NIBAN1: variants seen among roughly 807,000 people sequenced by gnomAD.
The protein encoded by NIBAN1 is niban apoptosis regulator 1.
Under a neutral mutation model 75.1 loss-of-function variants are expected in NIBAN1, and 81 were observed. The ratio of observed to expected loss-of-function variants is 1.08; its 90% confidence interval spans 0.90 to 1.30. NIBAN1 has a LOEUF of 1.30. Among genes scored for constraint, NIBAN1 ranks in the 50% most tolerant of loss-of-function variants. The pLI, the probability that NIBAN1 is intolerant of heterozygous loss-of-function variation, is 0.00. For missense variants in NIBAN1, 1,133 were observed against 1,128.1 expected (o/e 1.00, Z -0.06); for synonymous variants, 436 against 424.8 (o/e 1.03, Z -0.32).
chr1:184,841,982 C>T (rs1041798999), intron 5 of NIBAN1, among the ~76,000 whole-genome samples: 2 of 152,118 alleles, frequency 1.3e-5, no homozygotes, highest in Non-Finnish European at 2.9e-5. Context: ...CATATTCACC[C>T]CTGCATCCCT....
rs1227956581 is a variant in NIBAN1, at chr1:184,953,458, T to C, written c.55+20844A>G. Among the ~76,000 whole-genome samples, 4 of 152,276 alleles carry C rather than the reference T, an allele frequency of 2.6e-5. No homozygotes were observed. In the East Asian group the frequency reaches 7.7e-4, roughly 29 times the overall value. The stretch of plus-strand genomic sequence containing the variant: ...TAAATATCATTTTGAAAGCGTCTTT[T>C]ACATATCTTAGTGAAACTTATGCTC... On this transcript the variant is annotated intron_variant, in intron 1 of 13. Transcript: ENST00000367511.
At chr1:184,954,823 A>G (rs1327834223) in intron 1 of NIBAN1, among the ~76,000 whole-genome samples, 1 of 152,242 alleles carries the variant, frequency 6.6e-6, no homozygotes, top group African/African-American at 2.4e-5. Flanking sequence ...CTAGCTAGGC[A>G]GATGAGAACA....
intron 9 of NIBAN1, among the ~76,000 whole-genome samples, chr1:184,810,350 T>C (rs763464775): frequency 2.4e-4 from 36 of 152,158 alleles, no homozygotes; most frequent in Non-Finnish European, 4.6e-4. Flanking sequence ...TTTTCTGATT[T>C]AGTAGATCAT....
At chr1:184,875,867 CTG>C (rs1158463388) in intron 5 of NIBAN1, among the ~76,000 whole-genome samples, 1 of 152,118 alleles carries the variant, frequency 6.6e-6, no homozygotes, top group Non-Finnish European at 1.5e-5. Context: ...CAGTCCAAAT[CTG>C]TGTTTTTTTA....
chr1:184,821,669 T>G (rs542698290), intron 8 of NIBAN1, among the ~76,000 whole-genome samples: 1 of 152,334 alleles, frequency 6.6e-6, no homozygotes, highest in African/African-American at 2.4e-5. Flanking sequence ...AGGCCCAACT[T>G]AGCTCCAGAT....
intron 1 of NIBAN1, among the ~76,000 whole-genome samples, chr1:184,900,146 C>T (rs1350574738): frequency 6.6e-6 from 1 of 152,150 alleles, no homozygotes; most frequent in Non-Finnish European, 1.5e-5. Flanking sequence ...ATCCCTGAGG[C>T]TCCACCTCTA....
chr1:184,867,151 G>GTCTC (rs139222042), intron 5 of NIBAN1, among the ~76,000 whole-genome samples: 159 of 143,736 alleles, frequency 1.1e-3, no homozygotes, highest in African/African-American at 3.9e-3. Flanking sequence ...CTCTCTCTCG[G>GTCTC]TCTCTCTCTC....
At chr1:184,815,757 C>T (rs1169638976) in intron 9 of NIBAN1, among the ~76,000 whole-genome samples, 1 of 152,196 alleles carries the variant, frequency 6.6e-6, no homozygotes, top group Non-Finnish European at 1.5e-5. Context: ...CACGTTGCCT[C>T]ATAATCAGTC....
chr1:184,961,455 G>T (rs1658643521), intron 1 of NIBAN1, among the ~76,000 whole-genome samples: 1 of 152,084 alleles, frequency 6.6e-6, no homozygotes, highest in South Asian at 2.1e-4. Context: ...CCACAGCCAA[G>T]TCTATCTCAT....
intron 1 of NIBAN1, among the ~76,000 whole-genome samples, chr1:184,968,631 T>A (rs1658859528): frequency 6.6e-6 from 1 of 152,196 alleles, no homozygotes; most frequent in South Asian, 2.1e-4. Flanking sequence ...TTCTACTTTC[T>A]TTGGATTACT....
chr1:184,965,448 T>C (rs756780131), intron 1 of NIBAN1, among the ~76,000 whole-genome samples: 1 of 152,232 alleles, frequency 6.6e-6, no homozygotes, highest in South Asian at 2.1e-4. Context: ...TCTTTGCTAC[T>C]GTGAATAGTG....
rs186458411 is a variant in NIBAN1, at chr1:184,832,475, T to C, written c.602-513A>G. On this transcript the variant is annotated intron_variant, in intron 5 of 13. Transcript: ENST00000367511. Reference sequence around the variant, plus strand: ...TGCTAACACTTACAAAGCAGGATAATGTTCATCTAAGCACTTTACAGATTT... The same window carrying C: ...TGCTAACACTTACAAAGCAGGATAACGTTCATCTAAGCACTTTACAGATTT... Among the ~76,000 whole-genome samples, 609 of 152,338 alleles carry C rather than the reference T, an allele frequency of 4.0e-3. 5 individuals are homozygous for C. Among genetic ancestry groups the C allele is most frequent in the African/African-American group, 0.014 (584 of 41,578 alleles).
chr1:184,892,110 C>G (rs559358207), intron 3 of NIBAN1, among the ~76,000 whole-genome samples: 1 of 152,316 alleles, frequency 6.6e-6, no homozygotes, highest in African/African-American at 2.4e-5. Context: ...CAGTGAAAAA[C>G]TTTAATAAAT....
At chr1:184,888,161 C>G (rs1571549038) in intron 4 of NIBAN1, 1 of 152,174 alleles carries the variant, frequency 6.6e-6, no homozygotes, top group East Asian at 1.9e-4. Flanking sequence ...TGCATTCCAG[C>G]CTGGGCAACA....
intron 1 of NIBAN1, among the ~76,000 whole-genome samples, chr1:184,901,007 A>G (rs1656940123): frequency 6.6e-6 from 1 of 152,198 alleles, no homozygotes; most frequent in Non-Finnish European, 1.5e-5. Context: ...AAAATAAGTG[A>G]AGAGTTCTAA....
chr1:184,824,459 T>G (rs760998600), intron 6 of NIBAN1, among the ~76,000 whole-genome samples: 10 of 151,880 alleles, frequency 6.6e-5, no homozygotes, highest in Admixed American at 1.3e-4. Flanking sequence ...CTTGACCTGC[T>G]TCTCCACAGC....
chr1:184,972,048 C>T lies in NIBAN1; in HGVS notation c.55+2254G>A, dbSNP rs543145897. ...TGTCTTAAAGTAAAGGCTGATTCAG[C>T]GTCAGTAGCATACAGCGGTTTATGA... On this transcript the variant is annotated intron_variant, in intron 1 of 13. Coordinates refer to ENST00000367511, the MANE Select transcript of NIBAN1 (RefSeq NM_052966.4). 5.3e-5 allele frequency among the ~76,000 whole-genome samples: 8 copies of T among 152,280 alleles called. No homozygotes were observed. In the South Asian group the frequency reaches 1.7e-3, roughly 32 times the overall value.
At chr1:184,868,072 G>A (rs1308528989) in intron 5 of NIBAN1, 3 of 985,284 alleles carry the variant, frequency 3.0e-6, no homozygotes, top group Non-Finnish European at 2.4e-6. Context: ...AACTTGGCAG[G>A]GAGGGGCTTT....
intron 1 of NIBAN1, among the ~76,000 whole-genome samples, chr1:184,920,966 C>A (rs1005647177): frequency 6.6e-6 from 1 of 152,030 alleles, no homozygotes; most frequent in African/African-American, 2.4e-5. Context: ...CCCGTCTCTA[C>A]TAAAAATACA....
Sources: gnomAD v4.1 joint callset for allele counts (sites outside exome capture counted in the v4.1 genomes callset) on GRCh38, gnomAD v4.1.1 for gene constraint, MANE v1.5 for transcripts, NCBI Gene and HGNC (gene_info 2026-07-23, HGNC 2026-07-21) for gene names.